Variants in CYYR1 observed in about 807,000 individuals in gnomAD.
The protein encoded by CYYR1 is cysteine and tyrosine-rich protein 1.
A neutral mutation model predicts 15.2 loss-of-function variants in CYYR1; 14 were observed. That is an observed-to-expected ratio of 0.92 (90% CI 0.61 to 1.44). The LOEUF is 1.44. Ranked by LOEUF, CYYR1 falls within the 40% of genes most tolerant of loss-of-function variation. The pLI is 0.00. For missense variants in CYYR1, 228 were observed against 209.5 expected (o/e 1.09, Z -0.54); for synonymous variants, 80 against 77.4 (o/e 1.03, Z -0.18).
At chr21:26,470,108 G>A (rs1020994608) in intron 3 of CYYR1, among the ~76,000 whole-genome samples, 4 of 152,062 alleles carry the variant, frequency 2.6e-5, no homozygotes, top group Non-Finnish European at 5.9e-5. Context: ...AAATAAGTGG[G>A]CATGCTCTTA....
intron 2 of CYYR1, chr21:26,518,540 T>C (rs1310073540): frequency 6.6e-6 from 1 of 152,548 alleles, no homozygotes; most frequent in Non-Finnish European, 1.5e-5. Flanking sequence ...ACCATGCTCT[T>C]GGACTTCCCA....
chr21:26,514,008 A>T (rs960081588), intron 2 of CYYR1, among the ~76,000 whole-genome samples: 1 of 151,890 alleles, frequency 6.6e-6, no homozygotes, highest in Non-Finnish European at 1.5e-5. Flanking sequence ...GCACATGTAT[A>T]CATATGTAAC....
chr21:26,561,430 C>A (rs573270858), intron 2 of CYYR1, among the ~76,000 whole-genome samples: 46 of 152,172 alleles, frequency 3.0e-4, no homozygotes, highest in African/African-American at 1.1e-3. Context: ...CATAGGACCT[C>A]AAATGCCACT....
chr21:26,504,809 A>T (rs2065532393), intron 2 of CYYR1, among the ~76,000 whole-genome samples: 1 of 152,108 alleles, frequency 6.6e-6, no homozygotes, highest in Admixed American at 6.5e-5. Context: ...CGATTCCCTG[A>T]CTACCCTTCC....
chr21:26,479,763 CG>C (rs1421648571), intron 3 of CYYR1, among the ~76,000 whole-genome samples: 1 of 152,110 alleles, frequency 6.6e-6, no homozygotes, highest in Non-Finnish European at 1.5e-5. Flanking sequence ...CCACCCACCT[CG>C]GCCTACCAAA....
chr21:26,557,544 C>A (rs752955344), intron 2 of CYYR1, among the ~76,000 whole-genome samples: 5 of 152,132 alleles, frequency 3.3e-5, no homozygotes, highest in Non-Finnish European at 7.4e-5. Flanking sequence ...AAGGACAGAT[C>A]AGTTTTGATA....
At chr21:26,508,961 A>G (rs948438579) in intron 2 of CYYR1, among the ~76,000 whole-genome samples, 2 of 152,196 alleles carry the variant, frequency 1.3e-5, no homozygotes, top group Admixed American at 6.5e-5. Context: ...TCGAATACAC[A>G]TTATATTGCA....
At chr21:26,534,140 T>C (rs184743697) in intron 2 of CYYR1, among the ~76,000 whole-genome samples, 158 of 152,300 alleles carry the variant, frequency 1.0e-3, no homozygotes, top group African/African-American at 3.7e-3. Context: ...AATACTGCTA[T>C]GATATATTTG....
chr21:26,561,143 A>G (rs1444077745), intron 2 of CYYR1, among the ~76,000 whole-genome samples: 1 of 152,204 alleles, frequency 6.6e-6, no homozygotes, highest in Non-Finnish European at 1.5e-5. Flanking sequence ...AGTTGTTGCT[A>G]CATTCTAAAT....
chr21:26,566,585 C>T (rs1226943541), intron 1 of CYYR1, among the ~76,000 whole-genome samples: 1 of 152,162 alleles, frequency 6.6e-6, no homozygotes, highest in Non-Finnish European at 1.5e-5. Flanking sequence ...ACTCTTGAAT[C>T]TTCTACACCA....
At chr21:26,549,069 G>A (rs1357355590) in intron 2 of CYYR1, among the ~76,000 whole-genome samples, 2 of 151,960 alleles carry the variant, frequency 1.3e-5, no homozygotes, top group Non-Finnish European at 2.9e-5. Flanking sequence ...GAAACTACAA[G>A]TTTTACAGAC....
chr21:26,556,858 G>A (rs1979825365), intron 2 of CYYR1, among the ~76,000 whole-genome samples: 2 of 152,182 alleles, frequency 1.3e-5, no homozygotes, highest in South Asian at 2.1e-4. Context: ...ATAATGCTAC[G>A]GCAGCAAACA....
At chr21:26,488,201 G>C (rs1274610865) in intron 2 of CYYR1, among the ~76,000 whole-genome samples, 1 of 152,008 alleles carries the variant, frequency 6.6e-6, no homozygotes, top group Non-Finnish European at 1.5e-5. Flanking sequence ...GATAAAAGAA[G>C]TCTGAGGGTT....
intron 2 of CYYR1, 55 bp downstream of exon 2, chr21:26,566,210 TG>T: frequency 1.6e-6 from 2 of 1,288,790 alleles, no homozygotes. Flanking sequence ...AAGACATAAC[TG>T]GACAACTGGA....
At chr21:26,559,476 C>G (rs11088004) in intron 2 of CYYR1, among the ~76,000 whole-genome samples, 2 of 151,860 alleles carry the variant, frequency 1.3e-5, no homozygotes, top group African/African-American at 4.8e-5. Flanking sequence ...GTGTACAGTT[C>G]GGTGTTTTTT....
At position 26,572,885 on chromosome 21, in the gene CYYR1, A is replaced by G. The variant is rs1169823028; in HGVS notation, c.56T>C (p.Leu19Pro). The G allele has an allele frequency of 6.2e-7, 1 of 1,614,076 alleles. No individual in the cohort carries two copies. The highest frequency in any genetic ancestry group is 1.7e-5 in the Admixed American group (1 of 60,024). The change falls in exon 1 of 4, where the codon CTG (leucine) becomes CCG (proline). Residue 19 changes from leucine to proline, a missense_variant. Physicochemically the swap from Leu to Pro is moderately conservative, Grantham distance 98. Coordinates refer to ENST00000652641, the MANE Select transcript of CYYR1 (RefSeq NM_001320768.2). ...RPGVLLPKLV[L>P]LFVYADDCLA... ...TCACTGACCTGCGTAGACAAAGAGC[A>G]GGACCAACTTCGGAAGCAAGACCCC...
intron 2 of CYYR1, among the ~76,000 whole-genome samples, chr21:26,543,144 A>C (rs1012233059): frequency 4.6e-5 from 7 of 152,194 alleles, no homozygotes; most frequent in Admixed American, 3.9e-4. Context: ...AGGAGAACAC[A>C]GGGACACAGG....
chr21:26,522,541 A>G (rs2065815153), intron 2 of CYYR1, among the ~76,000 whole-genome samples: 1 of 152,214 alleles, frequency 6.6e-6, no homozygotes, highest in Admixed American at 6.5e-5. Flanking sequence ...TTGCTTTCAC[A>G]TCTTACATTT....
chr21:26,546,769 C>T (rs1181053505), intron 2 of CYYR1, among the ~76,000 whole-genome samples: 3 of 152,108 alleles, frequency 2.0e-5, no homozygotes, highest in Non-Finnish European at 4.4e-5. Context: ...TACACCAACC[C>T]GAGAGAGAAA....
Sources: gnomAD v4.1 joint callset for allele counts (sites outside exome capture counted in the v4.1 genomes callset) on GRCh38, gnomAD v4.1.1 for gene constraint, MANE v1.5 for transcripts, NCBI Gene and HGNC (gene_info 2026-07-23, HGNC 2026-07-21) for gene names.